Variants in GORASP1 observed in about 807,000 individuals in gnomAD.
GORASP1 encodes golgi reassembly stacking protein 1.
A neutral mutation model predicts 37.7 loss-of-function variants in GORASP1; 31 were observed. The observed-to-expected ratio is 0.82, with a 90% CI of 0.62 to 1.11. The LOEUF is 1.11. GORASP1 is among the 50% of genes least tolerant of loss of function. The pLI is 0.00. For synonymous variants in GORASP1, 204 were observed against 224.8 expected (o/e 0.91, Z 0.83); for missense variants, 476 against 560.7 (o/e 0.85, Z 1.53).
chr3:39,100,572 C>T lies in GORASP1; in HGVS notation c.567-69G>A, dbSNP rs1009093746. The T allele has an allele frequency of 5.4e-6, 8 of 1,493,162 alleles. No homozygotes were observed. The highest frequency in any genetic ancestry group is 2.8e-5 in the African/African-American group (2 of 71,206). 92.5% of individuals were successfully genotyped at this position (1,493,162 alleles called of 1,614,324 possible). A position where few individuals can be genotyped will look rare whatever the true frequency, so the allele number is the denominator to read the frequency against. ...GCCCTCCCTACCTTTGCTATCCCCACCTACTACCAGCAATAAGGGGGCTGA... is the reference window on the plus strand; with the variant it reads ...GCCCTCCCTACCTTTGCTATCCCCATCTACTACCAGCAATAAGGGGGCTGA... On this transcript the variant is annotated intron_variant, in intron 5 of 8. Transcript: ENST00000319283. The surrounding 1 kb of genome is among the most constrained non-coding windows in gnomAD (Gnocchi z 4.6).
Position 39,101,034 on chromosome 3 carries a change from C to G in GORASP1, c.417G>C (p.Ser139=), listed in dbSNP as rs780080025. The G allele has an allele frequency of 7.4e-6, 12 of 1,614,130 alleles. No homozygotes were observed. Among genetic ancestry groups the G allele is most frequent in the Non-Finnish European group, 1.0e-5 (12 of 1,179,986 alleles). ...TCCTCACCTCCTGGAGAATCTGGTC[C>G]GAACCAACCACATAGTCTGTGTAGG... ...LRPYTDYVVG[S]DQILQESEDF... Residue 139 remains serine (S), a synonymous_variant, in exon 4 of 9, where the codon TCG becomes TCC. Transcript: ENST00000319283.
At position 39,098,140 on chromosome 3, in the gene GORASP1, C is replaced by T. The variant is rs1385661253; in HGVS notation, c.*96G>A. 1.4e-6 allele frequency: 2 copies of T among 1,438,432 alleles called. No homozygotes were observed. Among genetic ancestry groups the T allele is most frequent in the African/African-American group, 1.4e-5 (1 of 70,934 alleles). 89.1% of individuals were successfully genotyped at this position (1,438,432 alleles called of 1,614,324 possible). ...ACTGAGGCCTCATGTCCCACCAAAGCAGCAAGGAATCCTGACCGCATAGTG... is the reference window on the plus strand; with the variant it reads ...ACTGAGGCCTCATGTCCCACCAAAGTAGCAAGGAATCCTGACCGCATAGTG... On this transcript the variant is annotated 3_prime_UTR_variant, in exon 9 of 9. Transcript: ENST00000319283. This position sits in a 1 kb window ranked among gnomAD's most constrained non-coding sequence, Gnocchi z 4.7.
rs1215669751 is a variant in GORASP1, at chr3:39,103,388, G to A, written c.144+85C>T. ...TCCCTTTAGAAAAAAAGGGAGGGAA[G>A]GGTAGACTGGGGCCCCCTGTGGGAC... On this transcript the variant is annotated intron_variant, in intron 2 of 8. Coordinates refer to ENST00000319283, the MANE Select transcript of GORASP1 (RefSeq NM_031899.4). The surrounding 1 kb of genome is among the most constrained non-coding windows in gnomAD (Gnocchi z 5.2). 2.0e-6 allele frequency: 2 copies of A among 1,016,538 alleles called. No homozygotes were observed. Among genetic ancestry groups the A allele is most frequent in the East Asian group, 4.8e-5 (2 of 41,510 alleles). The allele number at this position is 1,016,538 out of a possible 1,614,324, so 63.0% of individuals were successfully genotyped here.
rs1183755652 is a variant in GORASP1, at chr3:39,098,071, AAAAG to A, written c.*161_*164del. ...GCACTGGACCTGAGGGTACACGGCC[AAAAG>A]ATATCCTCCCACAAGGCCCATGGCC... is the stretch of plus-strand genomic sequence containing the variant. On this transcript the variant is annotated 3_prime_UTR_variant, in exon 9 of 9. Transcript: ENST00000319283. The surrounding 1 kb of genome is among the most constrained non-coding windows in gnomAD (Gnocchi z 4.7). 1.2e-6 allele frequency: 1 copy of A among 801,528 alleles called. No individual in the cohort carries two copies. The highest frequency in any genetic ancestry group is 1.7e-5 in the African/African-American group (1 of 57,734). 49.7% of individuals were successfully genotyped at this position (801,528 alleles called of 1,614,324 possible).
At position 39,107,510 on chromosome 3, in the gene GORASP1, G is replaced by A. The variant is rs754581645; in HGVS notation, c.32C>T (p.Ala11Val). MGLGVSAEQP[A>V]GGAEGFHLHG... Reference sequence around the variant, plus strand: ...GAGGTGGAAGCCCTCGGCGCCGCCTGCGGGCTGCTCAGCGCTGACGCCCAG... The same window carrying A: ...GAGGTGGAAGCCCTCGGCGCCGCCTACGGGCTGCTCAGCGCTGACGCCCAG... Residue 11 changes from alanine (A) to valine (V), a missense_variant, in exon 1 of 9, where the codon GCA (alanine) becomes GTA (valine). By Grantham distance (64) the Ala-to-Val change is moderately conservative. Transcript: ENST00000319283. 9 of 1,469,950 alleles carry A rather than the reference G, an allele frequency of 6.1e-6. No homozygotes were observed. In the Admixed American group the frequency reaches 2.1e-4, roughly 34 times the overall value. 91.1% of individuals were successfully genotyped at this position (1,469,950 alleles called of 1,614,324 possible).
Position 39,100,800 on chromosome 3 carries a change from G to A in GORASP1, c.513C>T (p.Asp171=). The change falls in exon 5 of 9, where the codon GAC becomes GAT. Residue 171 remains aspartate (D), a synonymous_variant. Coordinates refer to ENST00000319283, the MANE Select transcript of GORASP1 (RefSeq NM_031899.4). The surrounding 1 kb of genome is among the most constrained non-coding windows in gnomAD (Gnocchi z 4.6). Reference sequence around the variant, plus strand: ...GAGTTACAGTCACCTCCCGGCAGGAGTCTGACTTGGAGTTATACACCATCA... The same window carrying A: ...GAGTTACAGTCACCTCCCGGCAGGAATCTGACTTGGAGTTATACACCATCA... The part of the protein sequence containing the change: ...LKLMVYNSKS[D]SCREVTVTPN... 1.9e-6 allele frequency: 3 copies of A among 1,614,128 alleles called. No individual in the cohort carries two copies. The highest frequency in any genetic ancestry group is 2.5e-6 in the Non-Finnish European group (3 of 1,180,004).
rs867268379 is a variant in GORASP1, at chr3:39,103,721, C to T, written c.64-168G>A. The T allele has an allele frequency of 6.1e-6, 3 of 495,470 alleles. No individual in the cohort carries two copies. Among genetic ancestry groups the T allele is most frequent in the South Asian group, 3.4e-5 (1 of 29,370 alleles). 30.7% of individuals were successfully genotyped at this position (495,470 alleles called of 1,614,324 possible). The stretch of plus-strand genomic sequence containing the variant: ...GGTTCACTCCATGGCCTCTTGCTAC[C>T]TTCCTGGGCACAAATTTTCCTCTTA... On this transcript the variant is annotated intron_variant, in intron 1 of 8. Coordinates refer to ENST00000319283, the MANE Select transcript of GORASP1 (RefSeq NM_031899.4). The surrounding 1 kb of genome is among the most constrained non-coding windows in gnomAD (Gnocchi z 5.2).
At position 39,100,551 on chromosome 3, in the gene GORASP1, T is replaced by G; in HGVS notation, c.567-48A>C. The stretch of plus-strand genomic sequence containing the variant: ...AATCCAGGGGCTTGTCCCACGGCCC[T>G]CCCTACCTTTGCTATCCCCACCTAC... On this transcript the variant is annotated intron_variant, in intron 5 of 8. Coordinates refer to ENST00000319283, the MANE Select transcript of GORASP1 (RefSeq NM_031899.4). This position sits in a 1 kb window ranked among gnomAD's most constrained non-coding sequence, Gnocchi z 4.6. 1 of 1,517,222 alleles carries G rather than the reference T, an allele frequency of 6.6e-7. No individual in the cohort carries two copies. The highest frequency in any genetic ancestry group is 8.8e-7 in the Non-Finnish European group (1 of 1,131,994). 94.0% of individuals were successfully genotyped at this position (1,517,222 alleles called of 1,614,324 possible).
Position 39,097,955 on chromosome 3 carries a change from C to T in GORASP1, c.*281G>A, listed in dbSNP as rs1253276778. ...AAGCGACCAGGCCAACACTGGACAG[C>T]AACCCCTTCCTTCCTCACCTCATCT... On this transcript the variant is annotated 3_prime_UTR_variant, in exon 9 of 9. Transcript: ENST00000319283. 2 of 466,504 alleles carry T rather than the reference C, an allele frequency of 4.3e-6. No homozygotes were observed. The highest frequency in any genetic ancestry group is 3.9e-5 in the African/African-American group (2 of 50,782). The allele number at this position is 466,504 out of a possible 1,614,324, so 28.9% of individuals were successfully genotyped here. A position where few individuals can be genotyped will look rare whatever the true frequency, so the allele number is the denominator to read the frequency against.
In GORASP1 at chr3:39,105,708, T is replaced by G. The variant is rs1045128533; in HGVS notation, c.63+1771A>C. 1.3e-5 allele frequency among the ~76,000 whole-genome samples: 2 copies of G among 152,162 alleles called. No individual in the cohort carries two copies. Among genetic ancestry groups the G allele is most frequent in the Admixed American group, 6.5e-5 (1 of 15,282 alleles). ...TTCAGTGTTGTTAAAGGTAAGTAGGTCATGTCACTCCTCCATTTAAAACCT... is the reference window on the plus strand; with the variant it reads ...TTCAGTGTTGTTAAAGGTAAGTAGGGCATGTCACTCCTCCATTTAAAACCT... On this transcript the variant is annotated intron_variant, in intron 1 of 8. Transcript: ENST00000319283. The surrounding 1 kb of genome is among the most constrained non-coding windows in gnomAD (Gnocchi z 5.4).
Position 39,100,970 on chromosome 3 carries a change from A to G in GORASP1, c.435+46T>C, listed in dbSNP as rs1222377924. ...TCATGGACAGCACCCTTCTCTTCAC[A>G]CCACATCCAGAGGGTCTGGGGAGGG... is the stretch of plus-strand genomic sequence containing the variant. On this transcript the variant is annotated intron_variant, in intron 4 of 8. Coordinates refer to ENST00000319283, the MANE Select transcript of GORASP1 (RefSeq NM_031899.4). This position sits in a 1 kb window ranked among gnomAD's most constrained non-coding sequence, Gnocchi z 4.6. The G allele has an allele frequency of 6.2e-7, 1 of 1,613,572 alleles. No homozygotes were observed. The highest frequency in any genetic ancestry group is 8.5e-7 in the Non-Finnish European group (1 of 1,179,496).
Position 39,098,829 on chromosome 3 carries a change from C to T in GORASP1, c.981G>A (p.Leu327=), listed in dbSNP as rs2035508447. The T allele has an allele frequency of 6.2e-7, 1 of 1,614,132 alleles. No individual in the cohort carries two copies. The highest frequency in any genetic ancestry group is 8.5e-7 in the Non-Finnish European group (1 of 1,179,988). Residue 327 remains leucine, a synonymous_variant, in exon 8 of 9, where the codon CTG becomes CTA. Coordinates refer to ENST00000319283, the MANE Select transcript of GORASP1 (RefSeq NM_031899.4). This position sits in a 1 kb window ranked among gnomAD's most constrained non-coding sequence, Gnocchi z 4.7. ...TGGTGGTCAGTTCTGTGGAAGAGGG[C>T]AGGCTGGGCCACACACTGGCATTGC... The part of the protein sequence containing the change: ...DNSNASVWPS[L]PSSTELTTTA...
chr3:39,103,419 A>G lies in GORASP1; in HGVS notation c.144+54T>C, dbSNP rs2293308. On this transcript the variant is annotated intron_variant, in intron 2 of 8. Coordinates refer to ENST00000319283, the MANE Select transcript of GORASP1 (RefSeq NM_031899.4). This position sits in a 1 kb window ranked among gnomAD's most constrained non-coding sequence, Gnocchi z 5.2. ...ACTGGGGCCCCCTGTGGGACAGATG[A>G]AGACACACAAACACACATAAGCAAG... is the stretch of plus-strand genomic sequence containing the variant. 184,333 of 1,454,912 alleles carry G rather than the reference A, an allele frequency of 0.13. 16,080 individuals carry two copies. Among genetic ancestry groups the G allele is most frequent in the African/African-American group, 0.44 (31,083 of 71,132 alleles). 90.1% of individuals were successfully genotyped at this position (1,454,912 alleles called of 1,614,324 possible). A position where few individuals can be genotyped will look rare whatever the true frequency, so the allele number is the denominator to read the frequency against.
Position 39,102,839 on chromosome 3 carries a change from C to A in GORASP1, c.187G>T (p.Val63Leu), listed in dbSNP as rs769127658. ...ACCTCCAGCTTCACGGGCTTCTCCA[C>A]ATTGGCTTTCAGTAGTGCCTTCAGG... ...DTLKALLKAN[V>L]EKPVKLEVFN... The change falls in exon 3 of 9, where the codon GTG (valine) becomes TTG (leucine). Residue 63 changes from valine to leucine, a missense_variant. Coordinates refer to ENST00000319283, the MANE Select transcript of GORASP1 (RefSeq NM_031899.4). The surrounding 1 kb of genome is among the most constrained non-coding windows in gnomAD (Gnocchi z 5.0). The A allele has an allele frequency of 5.6e-6, 9 of 1,614,246 alleles. No individual in the cohort carries two copies. Among genetic ancestry groups the A allele is most frequent in the Non-Finnish European group, 7.6e-6 (9 of 1,180,050 alleles).
chr3:39,100,278 C>T lies in GORASP1; in HGVS notation c.765+27G>A. 1 of 1,606,790 alleles carries T rather than the reference C, an allele frequency of 6.2e-7. No homozygotes were observed. The highest frequency in any genetic ancestry group is 8.5e-7 in the Non-Finnish European group (1 of 1,173,476). ...GGCAGCCTCTAGAGTTTTCTGTCTT[C>T]CCAGTTGGCAGATTCTCCCCACATA... is the stretch of plus-strand genomic sequence containing the variant. On this transcript the variant is annotated intron_variant, in intron 6 of 8. Coordinates refer to ENST00000319283, the MANE Select transcript of GORASP1 (RefSeq NM_031899.4). The surrounding 1 kb of genome is among the most constrained non-coding windows in gnomAD (Gnocchi z 4.6).
Position 39,098,844 on chromosome 3 carries a change from A to G in GORASP1, c.966T>C (p.Ser322=). Reference sequence around the variant, plus strand: ...TGGAAGAGGGCAGGCTGGGCCACACACTGGCATTGCTGTTGTCCAAGAGAG... The same window carrying G: ...TGGAAGAGGGCAGGCTGGGCCACACGCTGGCATTGCTGTTGTCCAAGAGAG... ...GISLLDNSNA[S]VWPSLPSSTE... is the part of the protein sequence containing the mutation. Residue 322 remains serine (S), a synonymous_variant, in exon 8 of 9, where the codon AGT becomes AGC. Coordinates refer to ENST00000319283, the MANE Select transcript of GORASP1 (RefSeq NM_031899.4). The surrounding 1 kb of genome is among the most constrained non-coding windows in gnomAD (Gnocchi z 4.7). 2 of 1,614,148 alleles carry G rather than the reference A, an allele frequency of 1.2e-6. No individual in the cohort carries two copies. Among genetic ancestry groups the G allele is most frequent in the Non-Finnish European group, 1.7e-6 (2 of 1,179,998 alleles).
chr3:39,102,916 T>A lies in GORASP1; in HGVS notation c.145-35A>T. The A allele has an allele frequency of 6.3e-7, 1 of 1,591,770 alleles. No homozygotes were observed. The highest frequency in any genetic ancestry group is 8.6e-7 in the Non-Finnish European group (1 of 1,159,622). ...CAATGGGGCTGACTCCAAGGCCACC[T>A]CATGCCCAGGCTAGGACCCTCAGAC... On this transcript the variant is annotated intron_variant, in intron 2 of 8. Transcript: ENST00000319283. This position sits in a 1 kb window ranked among gnomAD's most constrained non-coding sequence, Gnocchi z 5.0.
intron 1 of GORASP1, 134 bp downstream of exon 1, chr3:39,107,345 G>GC (rs1338229719): frequency 1.9e-6 from 1 of 525,998 alleles, no homozygotes; most frequent in Admixed American, 4.6e-5. Context: ...CGGGCAGGGG[G>GC]CACCTCCCGC....
At position 39,100,402 on chromosome 3, in the gene GORASP1, G is replaced by A. The variant is rs775618917; in HGVS notation, c.668C>T (p.Pro223Leu). 3.1e-6 allele frequency: 5 copies of A among 1,613,954 alleles called. No individual in the cohort carries two copies. The South Asian group carries it at 4.4e-5, about 14-fold the overall frequency. Reference sequence around the variant, plus strand: ...AGCATCAGGTGGTGGGGCACCAAGTGGTAGAGCAGAAGGTGGTGGGGTGCC... The same window carrying A: ...AGCATCAGGTGGTGGGGCACCAAGTAGTAGAGCAGAAGGTGGTGGGGTGCC... Reference protein sequence around the residue: ...PPGTPPPSALPLGAPPPDALP... With the variant: ...PPGTPPPSALLLGAPPPDALP... Residue 223 changes from proline (P) to leucine (L), a missense_variant, in exon 6 of 9, where the codon CCA becomes CTA. Coordinates refer to ENST00000319283, the MANE Select transcript of GORASP1 (RefSeq NM_031899.4). This position sits in a 1 kb window ranked among gnomAD's most constrained non-coding sequence, Gnocchi z 4.6.
Sources: allele counts gnomAD v4.1 joint callset (sites outside exome capture counted in the v4.1 genomes callset), GRCh38; gene constraint gnomAD v4.1.1; non-coding constraint Gnocchi (gnomAD v3.1); transcripts MANE v1.5; gene names NCBI Gene and HGNC (gene_info 2026-07-23, HGNC 2026-07-21).